The following ASIC2 variants were observed in gnomAD, a reference collection of about 807,000 sequenced individuals.
ASIC2 encodes acid sensing ion channel subunit 2, also known as acid-sensing ion channel 2.
ASIC2 carries 25 observed loss-of-function variants against 57.3 expected under a neutral mutation model. The ratio of observed to expected loss-of-function variants is 0.44; its 90% CI spans 0.32 to 0.61. The LOEUF is 0.61. Among genes scored for constraint, ASIC2 ranks in the 20% least tolerant of loss-of-function variants. The pLI is 0.06. For missense variants in ASIC2, 641 were observed against 738.1 expected, an observed-to-expected ratio of 0.87 and a Z score of 1.52; for synonymous variants, 319 against 307.5, an observed-to-expected ratio of 1.04 and a Z score of -0.39.
At chr17:34,134,981 C>T (rs11080252) in intron 1 of ASIC2, among the ~76,000 whole-genome samples, 79,409 of 152,062 alleles carry the variant, frequency 0.52, 23,085 homozygotes, top group South Asian at 0.72. Flanking sequence ...ATTTTCTGAA[C>T]AGCTATAGCC....
chr17:34,049,756 T>G (rs1291273609), intron 1 of ASIC2, among the ~76,000 whole-genome samples: 1 of 152,180 alleles, frequency 6.6e-6, no homozygotes, highest in Non-Finnish European at 1.5e-5. Context: ...CTACTTACCC[T>G]TTGAAACTTC....
At chr17:33,982,287 C>G (rs545800164) in intron 1 of ASIC2, among the ~76,000 whole-genome samples, 1 of 152,204 alleles carries the variant, frequency 6.6e-6, no homozygotes, top group African/African-American at 2.4e-5. Flanking sequence ...AAGAACATGG[C>G]GATCACCCTG....
chr17:33,691,384 T>C (rs1908363683), intron 1 of ASIC2, among the ~76,000 whole-genome samples: 1 of 151,844 alleles, frequency 6.6e-6, no homozygotes, highest in African/African-American at 2.4e-5. Flanking sequence ...ACTCCAATCA[T>C]CCTAGGCATC....
At chr17:33,684,610 T>G (rs1781385367) in intron 1 of ASIC2, among the ~76,000 whole-genome samples, 1 of 152,156 alleles carries the variant, frequency 6.6e-6, no homozygotes, top group Admixed American at 6.5e-5. Flanking sequence ...CAGAACATCA[T>G]GAAATATTGA....
rs58279499 is a variant in ASIC2, at chr17:33,144,157, C to CA, written c.709-32091dup. ...TTTCTGGAATTAAAAAACAAACAAA[C>CA]AAAAAAAAAAACGAAAAACAAAAAC... On this transcript the variant is annotated intron_variant, in intron 1 of 9. Coordinates refer to ENST00000225823, the MANE Select transcript of ASIC2 (RefSeq NM_183377.2). 8.7e-3 allele frequency among the ~76,000 whole-genome samples: 1,241 copies of CA among 141,890 alleles called. 8 individuals carry two copies. Among genetic ancestry groups the CA allele is most frequent in the African/African-American group, 0.024 (917 of 37,836 alleles). 93.1% of individuals were successfully genotyped at this position (141,890 alleles called of 152,430 possible).
At chr17:33,994,376 G>A (rs756030985) in intron 1 of ASIC2, among the ~76,000 whole-genome samples, 4 of 152,086 alleles carry the variant, frequency 2.6e-5, no homozygotes, top group Non-Finnish European at 5.9e-5. Flanking sequence ...AACACGGCAC[G>A]GTGTCACTTG....
chr17:33,489,362 G>T (rs1051948232), intron 1 of ASIC2, among the ~76,000 whole-genome samples: 1 of 152,218 alleles, frequency 6.6e-6, no homozygotes, highest in East Asian at 1.9e-4. Flanking sequence ...AGAAGTGAAG[G>T]GGTATGTCCA....
At chr17:33,557,847 T>C (rs1013422513) in intron 1 of ASIC2, among the ~76,000 whole-genome samples, 6 of 152,228 alleles carry the variant, frequency 3.9e-5, no homozygotes. Context: ...GAGGCATAGC[T>C]ACCATCCTAG....
chr17:34,039,879 TGCCGCCGCC>T, intron 1 of ASIC2: 2 of 1,595,766 alleles, frequency 1.3e-6, no homozygotes, highest in South Asian at 2.2e-5. Context: ...TCATTTCTAC[TGCCGCCGCC>T]GCCGCTGCCG....
intron 1 of ASIC2, among the ~76,000 whole-genome samples, chr17:33,727,107 A>T (rs1909584980): frequency 6.6e-6 from 1 of 152,230 alleles, no homozygotes; most frequent in African/African-American, 2.4e-5. Flanking sequence ...AGCCTGTAAT[A>T]TACTTTGTAC....
At chr17:33,155,837 C>T (rs954144555) in intron 1 of ASIC2, among the ~76,000 whole-genome samples, 4 of 151,960 alleles carry the variant, frequency 2.6e-5, no homozygotes, top group Non-Finnish European at 5.9e-5. Context: ...CCACTGCACC[C>T]GGTCCTCCAC....
In ASIC2 at chr17:34,099,115, AGAGAGAGAGAGAGAGAGAGAGAGAGAG is replaced by A. The variant is rs1432502922; in HGVS notation, c.555+56836_555+56862del. Among the ~76,000 whole-genome samples, 144 of 29,618 alleles carry A rather than the reference AGAGAGAGAGAGAGAGAGAGAGAGAGAG, an allele frequency of 4.9e-3. 4 individuals are homozygous for A. Among genetic ancestry groups the A allele is most frequent in the East Asian group, 0.031 (50 of 1,626 alleles). 19.4% of individuals were successfully genotyped at this position (29,618 alleles called of 152,430 possible). ...ATTAAGAGAGAAAAGAGAGAGAGAG[AGAGAGAGAGAGAGAGAGAGAGAGAGAG>A]AGACAGAGAGAGAGAGAGAGAGAAA... On this transcript the variant is annotated intron_variant, in intron 1 of 9. Coordinates refer to the ASIC2 transcript ENST00000359872.
At chr17:33,919,605 GC>G (rs1404074106) in intron 1 of ASIC2, among the ~76,000 whole-genome samples, 3 of 152,154 alleles carry the variant, frequency 2.0e-5, no homozygotes, top group African/African-American at 7.2e-5. Flanking sequence ...TCTGGAAATT[GC>G]CTTTGGCAAA....
rs60183644 is a variant in ASIC2 at position 33,032,440 on chromosome 17, G to GTTTTTTTTTTT, written c.988-4059_988-4049dup. ...TCTGTTATAAGCACTATAATACACT[G>GTTTTTTTTTTT]TTTTTTTTTTTTTTTTTTTTTTTTT... On this transcript the variant is annotated intron_variant, in intron 3 of 9. Transcript: ENST00000225823. Among the ~76,000 whole-genome samples the GTTTTTTTTTTT allele has an allele frequency of 9.6e-5, 9 of 94,116 alleles. 3 individuals carry two copies. The highest frequency in any genetic ancestry group is 6.8e-4 in the South Asian group (2 of 2,958). 61.7% of individuals were successfully genotyped at this position (94,116 alleles called of 152,430 possible). A position where few individuals can be genotyped will look rare whatever the true frequency, so the allele number is the denominator to read the frequency against.
chr17:33,888,256 T>C (rs1399719977), intron 1 of ASIC2, among the ~76,000 whole-genome samples: 1 of 152,018 alleles, frequency 6.6e-6, no homozygotes, highest in Non-Finnish European at 1.5e-5. Context: ...TGCAGGAAGA[T>C]GTGATGACTG....
intron 1 of ASIC2, among the ~76,000 whole-genome samples, chr17:33,183,936 C>T (rs564367094): frequency 2.0e-5 from 3 of 152,306 alleles, no homozygotes; most frequent in East Asian, 3.9e-4. Flanking sequence ...CATCCCTTAA[C>T]GTCTCTGGGC....
At chr17:33,244,095 C>A (rs1908607217) in intron 1 of ASIC2, among the ~76,000 whole-genome samples, 1 of 152,210 alleles carries the variant, frequency 6.6e-6, no homozygotes, top group African/African-American at 2.4e-5. Context: ...GGGAATTAAA[C>A]TGATAAGGTT....
At chr17:33,635,944 A>G (rs1906347994) in intron 1 of ASIC2, among the ~76,000 whole-genome samples, 1 of 152,228 alleles carries the variant, frequency 6.6e-6, no homozygotes, top group Non-Finnish European at 1.5e-5. Flanking sequence ...GACTAGATAA[A>G]CAGAATGGAG....
At chr17:33,855,038 G>A (rs1008609410) in intron 1 of ASIC2, among the ~76,000 whole-genome samples, 1 of 152,170 alleles carries the variant, frequency 6.6e-6, no homozygotes, top group Non-Finnish European at 1.5e-5. Flanking sequence ...TTCTGAGATG[G>A]GGGCAGGGGA....
Sources: allele counts gnomAD v4.1 joint callset (sites outside exome capture counted in the v4.1 genomes callset), GRCh38; gene constraint gnomAD v4.1.1; transcripts MANE v1.5; gene names NCBI Gene and HGNC (gene_info 2026-07-23, HGNC 2026-07-21).